PTPRT: variants seen among roughly 807,000 people sequenced by gnomAD.
PTPRT encodes the protein protein tyrosine phosphatase receptor type T.
PTPRT carries 56 observed loss-of-function variants against 176.8 expected under a neutral mutation model. The observed-to-expected ratio is 0.32, with a 90% CI of 0.26 to 0.40. PTPRT has a LOEUF of 0.40. Among genes scored for constraint, PTPRT ranks in the 10% least tolerant of loss-of-function variants. The pLI is 1.00. For synonymous variants in PTPRT, 783 were observed against 739.0 expected (o/e 1.06, Z -0.96); for missense variants, 1,540 against 1,908.2 (o/e 0.81, Z 3.60).
rs551167126 is a variant in PTPRT at position 42,796,409 on chromosome 20, A to G, written c.215-4943T>C. 5.9e-5 allele frequency among the ~76,000 whole-genome samples: 9 copies of G among 152,324 alleles called. No individual in the cohort carries two copies. In the South Asian group the frequency reaches 6.2e-4, roughly 11 times the overall value. ...GTGGATTACTTACCAAAGCATAACA[A>G]ATTACATCCAAGTGAGTCACAGGAA... On this transcript the variant is annotated intron_variant, in intron 2 of 30. Coordinates refer to ENST00000373187, the MANE Select transcript of PTPRT (RefSeq NM_007050.6).
intron 7 of PTPRT, among the ~76,000 whole-genome samples, chr20:42,657,711 C>T (rs901905236): frequency 1.3e-5 from 2 of 152,138 alleles, no homozygotes; most frequent in Non-Finnish European, 2.9e-5. Flanking sequence ...TAATTCTTGT[C>T]CATAGATATG....
At chr20:42,705,229 TA>T (rs1396219698) in intron 6 of PTPRT, among the ~76,000 whole-genome samples, 1 of 152,224 alleles carries the variant, frequency 6.6e-6, no homozygotes. Context: ...TAATAATTGT[TA>T]CACACGTCCA....
intron 7 of PTPRT, among the ~76,000 whole-genome samples, chr20:42,591,389 T>C (rs778929541): frequency 1.4e-4 from 22 of 152,194 alleles, no homozygotes; most frequent in Non-Finnish European, 2.4e-4. Context: ...TATAGCTTCT[T>C]GAACCTCTTA....
chr20:42,303,489 A>G (rs973350756), intron 12 of PTPRT, among the ~76,000 whole-genome samples: 2 of 152,166 alleles, frequency 1.3e-5, no homozygotes, highest in African/African-American at 2.4e-5. Context: ...GCTCGGCATG[A>G]AACGGAGCAG....
At position 42,227,737 on chromosome 20, in the gene PTPRT, A is replaced by G. The variant is rs1204765461; in HGVS notation, c.2342+8492T>C. ...ATTCTCCTGCCTCAGCCTCCCAAGTAGCTGGGATTACAGGCACGTGCCACC... is the reference window on the plus strand; with the variant it reads ...ATTCTCCTGCCTCAGCCTCCCAAGTGGCTGGGATTACAGGCACGTGCCACC... On this transcript the variant is annotated intron_variant, in intron 15 of 30. Transcript: ENST00000373187. Among the ~76,000 whole-genome samples, 4 of 150,552 alleles carry G rather than the reference A, an allele frequency of 2.7e-5. No homozygotes were observed. In the South Asian group the frequency reaches 8.4e-4, roughly 32 times the overall value.
chr20:42,451,429 G>A (rs2070824805), intron 8 of PTPRT, among the ~76,000 whole-genome samples: 1 of 152,118 alleles, frequency 6.6e-6, no homozygotes, highest in Non-Finnish European at 1.5e-5. Flanking sequence ...CTGAGTAGCA[G>A]TTGGATATGG....
At chr20:42,125,672 A>G (rs1470898874) in intron 19 of PTPRT, among the ~76,000 whole-genome samples, 1 of 152,258 alleles carries the variant, frequency 6.6e-6, no homozygotes, top group East Asian at 1.9e-4. Flanking sequence ...CAGGAAATGA[A>G]TCAGAGGCAT....
At chr20:43,087,265 T>C (rs990766777) in intron 1 of PTPRT, among the ~76,000 whole-genome samples, 5 of 152,184 alleles carry the variant, frequency 3.3e-5, no homozygotes, top group African/African-American at 1.2e-4. Flanking sequence ...TGTCATTGCA[T>C]TGATTTTGTT....
intron 2 of PTPRT, among the ~76,000 whole-genome samples, chr20:42,868,102 G>A (rs1399394232): frequency 6.6e-6 from 1 of 152,108 alleles, no homozygotes; most frequent in African/African-American, 2.4e-5. Flanking sequence ...TTTAGAAATG[G>A]GTAATGAGTA....
intron 1 of PTPRT, among the ~76,000 whole-genome samples, chr20:42,973,696 G>A (rs539655909): frequency 1.3e-5 from 2 of 152,212 alleles, no homozygotes; most frequent in African/African-American, 2.4e-5. Flanking sequence ...AACAAAACAC[G>A]GCTAAAGCCT....
chr20:42,111,251 A>G (rs1285777252), intron 22 of PTPRT, among the ~76,000 whole-genome samples: 1 of 152,074 alleles, frequency 6.6e-6, no homozygotes, highest in African/African-American at 2.4e-5. Flanking sequence ...CTACTTAGCA[A>G]TCTCCTGCAG....
chr20:42,280,198 G>A lies in PTPRT; in HGVS notation c.2176+2291C>T, dbSNP rs761466648. ...TACAAACTCCTCACGGGCAGTGGAC[G>A]GATTTATAATAGATAGGGTTTGCCT... On this transcript the variant is annotated intron_variant, in intron 13 of 30. Transcript: ENST00000373187. Among the ~76,000 whole-genome samples the A allele has an allele frequency of 5.3e-5, 8 of 152,078 alleles. No homozygotes were observed. In the South Asian group the frequency reaches 8.3e-4, roughly 16 times the overall value.
chr20:42,319,922 G>C (rs978049362), intron 11 of PTPRT, among the ~76,000 whole-genome samples: 1 of 152,026 alleles, frequency 6.6e-6, no homozygotes, highest in Non-Finnish European at 1.5e-5. Context: ...TAAAGAGAAA[G>C]GATTTTTTTA....
intron 5 of PTPRT, among the ~76,000 whole-genome samples, chr20:42,770,764 C>T (rs181311404): frequency 1.3e-5 from 2 of 152,258 alleles, no homozygotes; most frequent in East Asian, 3.9e-4. Context: ...TTCCATTTGC[C>T]TCAGCCCTAG....
At chr20:42,459,607 T>C (rs796162524) in intron 8 of PTPRT, among the ~76,000 whole-genome samples, 21 of 152,284 alleles carry the variant, frequency 1.4e-4, no homozygotes, top group African/African-American at 5.1e-4. Flanking sequence ...GAATATGTTA[T>C]TGGTTCAGAT....
rs1184614869 is a variant in PTPRT at position 42,086,741 on chromosome 20, A to T, written c.3847-888T>A. ...GACTCCATCTCAAAAAAAAAAAAAA[A>T]AAAAAAAAAAAAATATATATATATA... On this transcript the variant is annotated intron_variant, in intron 27 of 30. Transcript: ENST00000373187. Among the ~76,000 whole-genome samples the T allele has an allele frequency of 5.3e-3, 200 of 37,804 alleles. 10 individuals are homozygous for T. The highest frequency in any genetic ancestry group is 0.012 in the African/African-American group (110 of 8,920). The allele number at this position is 37,804 out of a possible 152,430, so 24.8% of individuals were successfully genotyped here. A position where few individuals can be genotyped will look rare whatever the true frequency, so the allele number is the denominator to read the frequency against.
intron 7 of PTPRT, among the ~76,000 whole-genome samples, chr20:42,570,937 A>G (rs2073142585): frequency 6.7e-6 from 1 of 148,374 alleles, no homozygotes; most frequent in South Asian, 2.3e-4. Flanking sequence ...GAACACGGAC[A>G]TAGACATTTT....
At chr20:42,475,527 C>T (rs865984057) in intron 7 of PTPRT, among the ~76,000 whole-genome samples, 8 of 152,270 alleles carry the variant, frequency 5.3e-5, no homozygotes, top group Admixed American at 1.3e-4. Context: ...AGCACCTTGA[C>T]GCCACCGGAG....
intron 1 of PTPRT, among the ~76,000 whole-genome samples, chr20:43,182,842 AC>A (rs777073172): frequency 1.2e-4 from 16 of 135,668 alleles, no homozygotes; most frequent in African/African-American, 3.5e-4. Flanking sequence ...CGCAAAAAAA[AC>A]AAAACAAAAC....
Sources: allele counts gnomAD v4.1 joint callset (sites outside exome capture counted in the v4.1 genomes callset), GRCh38; gene constraint gnomAD v4.1.1; transcripts MANE v1.5; gene names NCBI Gene and HGNC (gene_info 2026-07-23, HGNC 2026-07-21).